DPYD: variants seen among roughly 807,000 people sequenced by gnomAD.
The protein encoded by DPYD is dihydropyrimidine dehydrogenase.
DPYD carries 109 observed loss-of-function variants against 116.2 expected under a neutral mutation model. The ratio of observed to expected loss-of-function variants is 0.94; its 90% CI spans 0.80 to 1.10. The LOEUF (loss-of-function observed/expected upper bound fraction) is 1.10, where lower values mean the gene tolerates loss of function less well. Ranked by LOEUF, DPYD falls within the 50% of genes least tolerant of loss-of-function variation. The probability of loss-of-function intolerance (pLI) is 0.00; values close to 1 mark genes in which losing one functional copy is unlikely to be tolerated. For missense variants in DPYD, 1,302 were observed against 1,254.5 expected (o/e 1.04, Z -0.57); for synonymous variants, 440 against 432.0 (o/e 1.02, Z -0.23).
Position 97,261,493 on chromosome 1 carries a change from CTTT to C in DPYD, c.2300-26502_2300-26500del, listed in dbSNP as rs1210765677. Among the ~76,000 whole-genome samples, 206 of 122,480 alleles carry C rather than the reference CTTT, an allele frequency of 1.7e-3. 2 individuals carry two copies. The highest frequency in any genetic ancestry group is 5.4e-3 in the African/African-American group (169 of 31,130). 80.4% of individuals were successfully genotyped at this position (122,480 alleles called of 152,430 possible). ...GAGAAAATGATAAAAGACTATGCAT[CTTT>C]TTTTTTTTTTTTTTTTTTTTAAAAA... On this transcript the variant is annotated intron_variant, in intron 18 of 22. Coordinates refer to ENST00000370192, the MANE Select transcript of DPYD (RefSeq NM_000110.4).
intron 2 of DPYD, among the ~76,000 whole-genome samples, chr1:97,829,779 G>A (rs1669435304): frequency 6.7e-6 from 1 of 150,262 alleles, no homozygotes; most frequent in Admixed American, 6.6e-5. Flanking sequence ...TATACTTTAA[G>A]TTCTAGGGTA....
chr1:97,697,192 C>T (rs1025663473), intron 6 of DPYD, among the ~76,000 whole-genome samples: 2 of 152,018 alleles, frequency 1.3e-5, no homozygotes, highest in Non-Finnish European at 2.9e-5. Context: ...TTTGTTGCAA[C>T]ATTAAAAATA....
chr1:97,437,040 A>G (rs986248839), intron 14 of DPYD, among the ~76,000 whole-genome samples: 3 of 151,794 alleles, frequency 2.0e-5, no homozygotes, highest in African/African-American at 4.8e-5. Context: ...TTATTAAAGT[A>G]TACAATAAAT....
intron 8 of DPYD, among the ~76,000 whole-genome samples, chr1:97,605,180 T>A (rs957710053): frequency 3.3e-5 from 5 of 152,100 alleles, no homozygotes; most frequent in African/African-American, 1.2e-4. Context: ...GTAAGAATAT[T>A]GGGTCCAGTG....
intron 13 of DPYD, among the ~76,000 whole-genome samples, chr1:97,476,051 A>G (rs965711747): frequency 4.6e-5 from 7 of 152,250 alleles, no homozygotes; most frequent in Admixed American, 1.3e-4. Flanking sequence ...GAGTAAATAG[A>G]TCCCAGAGCC....
intron 7 of DPYD, 26 bp downstream of exon 7, chr1:97,691,691 C>A: frequency 6.3e-7 from 1 of 1,588,878 alleles, no homozygotes; most frequent in Non-Finnish European, 8.6e-7. Flanking sequence ...TTGAGCAGTA[C>A]ACAGATAGGT....
chr1:97,581,433 G>A (rs2102211638), intron 10 of DPYD, among the ~76,000 whole-genome samples: 1 of 151,452 alleles, frequency 6.6e-6, no homozygotes, highest in Non-Finnish European at 1.5e-5. Context: ...TCACCTAGCA[G>A]TAGTGCAGAT....
chr1:97,570,976 G>A (rs1014040271), intron 11 of DPYD, among the ~76,000 whole-genome samples: 3 of 151,908 alleles, frequency 2.0e-5, no homozygotes, highest in Non-Finnish European at 4.4e-5. Flanking sequence ...TGGAAAACTA[G>A]ATTTAAGAGT....
At chr1:97,154,831 CCAA>C in intron 20 of DPYD, among the ~76,000 whole-genome samples, 1 of 152,104 alleles carries the variant, frequency 6.6e-6, no homozygotes, top group South Asian at 2.1e-4. Flanking sequence ...GATGGACACA[CCAA>C]CATCTCAGAA....
intron 20 of DPYD, among the ~76,000 whole-genome samples, chr1:97,122,587 A>G (rs1294450470): frequency 6.6e-6 from 1 of 152,122 alleles, no homozygotes; most frequent in African/African-American, 2.4e-5. Context: ...AATTCTTCAA[A>G]TGAAATCTCT....
intron 19 of DPYD, among the ~76,000 whole-genome samples, chr1:97,195,592 ATATGTG>A (rs1287754907): frequency 0.045 from 2,141 of 47,116 alleles, 208 homozygotes; most frequent in East Asian, 0.29. Flanking sequence ...ATATATATAT[ATATGTG>A]TGTGTGTGTA....
intron 11 of DPYD, among the ~76,000 whole-genome samples, chr1:97,568,069 T>C (rs1652654489): frequency 6.6e-6 from 1 of 152,066 alleles, no homozygotes; most frequent in African/African-American, 2.4e-5. Flanking sequence ...GATAATAGTT[T>C]AAAAATATAT....
chr1:97,716,859 T>C (rs1181988240), intron 5 of DPYD, among the ~76,000 whole-genome samples: 8 of 152,080 alleles, frequency 5.3e-5, no homozygotes, highest in Admixed American at 5.3e-4. Flanking sequence ...TTATCTATAA[T>C]ATATGTTCAA....
intron 18 of DPYD, among the ~76,000 whole-genome samples, chr1:97,275,660 C>A (rs1048482197): frequency 2.6e-5 from 4 of 152,094 alleles, no homozygotes; most frequent in Non-Finnish European, 5.9e-5. Flanking sequence ...ATGCACACAC[C>A]TTAAAGGGAG....
At chr1:97,546,636 G>A in intron 12 of DPYD, 1 of 1,612,694 alleles carries the variant, frequency 6.2e-7, no homozygotes, top group South Asian at 1.1e-5. Flanking sequence ...AATGGTGGTG[G>A]CTTTACATTG....
At chr1:97,828,237 T>A in intron 2 of DPYD, 41 bp from the exon 3 acceptor site, 1 of 1,582,752 alleles carries the variant, frequency 6.3e-7, no homozygotes, top group Non-Finnish European at 8.6e-7. Flanking sequence ...TCTAAGATCC[T>A]GAGAAAAATT....
chr1:97,110,318 A>G (rs1458885515), intron 20 of DPYD, among the ~76,000 whole-genome samples: 1 of 152,096 alleles, frequency 6.6e-6, no homozygotes, highest in Non-Finnish European at 1.5e-5. Flanking sequence ...TTTTAGTGCA[A>G]TAGAATTAAA....
At chr1:97,354,492 A>G (rs1207569432) in intron 16 of DPYD, among the ~76,000 whole-genome samples, 4 of 152,214 alleles carry the variant, frequency 2.6e-5, no homozygotes, top group African/African-American at 9.6e-5. Context: ...GATCACAGAA[A>G]ATTGTTAATA....
At chr1:97,481,247 C>T (rs757426801) in intron 13 of DPYD, among the ~76,000 whole-genome samples, 53 of 151,854 alleles carry the variant, frequency 3.5e-4, no homozygotes, top group Admixed American at 7.9e-4. Context: ...TTTTTTTGCA[C>T]ATATTATTTG....
Sources: allele counts gnomAD v4.1 joint callset (sites outside exome capture counted in the v4.1 genomes callset), GRCh38; gene constraint gnomAD v4.1.1; transcripts MANE v1.5; gene names NCBI Gene and HGNC (gene_info 2026-07-23, HGNC 2026-07-21).